GPC6: variants seen among roughly 807,000 people sequenced by gnomAD.
The protein encoded by GPC6 is glypican-6.
GPC6 carries 14 observed loss-of-function variants against 55.2 expected under a neutral mutation model. That is an observed-to-expected ratio of 0.25 (90% CI 0.17 to 0.40). The LOEUF (loss-of-function observed/expected upper bound fraction) is 0.40. GPC6 is among the 10% of genes least tolerant of loss of function. GPC6 has a pLI of 1.00. For synonymous variants in GPC6, 278 were observed against 259.6 expected (o/e 1.07, Z -0.68); for missense variants, 641 against 708.5 (o/e 0.90, Z 1.08).
chr13:93,922,157 C>T (rs927409336), intron 3 of GPC6, among the ~76,000 whole-genome samples: 1 of 151,956 alleles, frequency 6.6e-6, no homozygotes, highest in Admixed American at 6.6e-5. Flanking sequence ...AGAGTATTAA[C>T]TTTTATTTGA....
Position 94,245,936 on chromosome 13 carries a change from C to A in GPC6, c.878-40413C>A, listed in dbSNP as rs74553847. Among the ~76,000 whole-genome samples the A allele has an allele frequency of 2.8e-4, 42 of 152,238 alleles. No individual in the cohort carries two copies. The East Asian group carries it at 7.2e-3, about 26-fold the overall frequency. ...CTATTTTAATTTTCTTTAGGAACCT[C>A]CATATTGTTTCCTATAATGGCTGCA... On this transcript the variant is annotated intron_variant, in intron 4 of 8. Transcript: ENST00000377047.
At chr13:94,338,679 A>C (rs962423664) in intron 6 of GPC6, among the ~76,000 whole-genome samples, 1 of 152,164 alleles carries the variant, frequency 6.6e-6, no homozygotes, top group Non-Finnish European at 1.5e-5. Context: ...TTTAATCCAG[A>C]TAAAAATCCT....
At chr13:93,784,977 A>T (rs1395868140) in intron 2 of GPC6, among the ~76,000 whole-genome samples, 1 of 152,190 alleles carries the variant, frequency 6.6e-6, no homozygotes. Context: ...GAAAAACTTC[A>T]AAAGAAGTTG....
intron 2 of GPC6, among the ~76,000 whole-genome samples, chr13:93,667,735 G>GTTTT (rs71126408): frequency 8.1e-6 from 1 of 123,168 alleles, no homozygotes; most frequent in Non-Finnish European, 1.6e-5. Flanking sequence ...GCCAGGACTT[G>GTTTT]TTTTTTTTTT....
At chr13:93,702,504 T>C (rs1882707656) in intron 2 of GPC6, among the ~76,000 whole-genome samples, 1 of 152,044 alleles carries the variant, frequency 6.6e-6, no homozygotes, top group Non-Finnish European at 1.5e-5. Context: ...TAGCCCCTAA[T>C]GAGGGAGTCA....
intron 2 of GPC6, among the ~76,000 whole-genome samples, chr13:93,717,455 A>C: frequency 6.6e-6 from 1 of 151,588 alleles, no homozygotes; most frequent in East Asian, 1.9e-4. Context: ...CTTACTATTG[A>C]GTTTTCAAAA....
intron 1 of GPC6, among the ~76,000 whole-genome samples, chr13:93,456,273 C>T (rs902082657): frequency 2.0e-5 from 3 of 151,948 alleles, no homozygotes; most frequent in Non-Finnish European, 4.4e-5. Flanking sequence ...AAATGGCCTC[C>T]GAGAAAGTTG....
intron 2 of GPC6, among the ~76,000 whole-genome samples, chr13:93,803,140 A>G (rs1051954473): frequency 3.3e-5 from 5 of 152,168 alleles, no homozygotes; most frequent in Admixed American, 3.3e-4. Context: ...TTTAAGCCAC[A>G]GCAAAATTAT....
At chr13:93,502,596 A>C (rs896973443) in intron 1 of GPC6, among the ~76,000 whole-genome samples, 4 of 152,144 alleles carry the variant, frequency 2.6e-5, no homozygotes, top group African/African-American at 9.7e-5. Flanking sequence ...GCTGAATTGG[A>C]TAATAGTTTT....
At chr13:93,542,381 A>T (rs936404104) in intron 1 of GPC6, among the ~76,000 whole-genome samples, 3 of 152,068 alleles carry the variant, frequency 2.0e-5, no homozygotes, top group African/African-American at 4.8e-5. Flanking sequence ...CCATTGATCT[A>T]TATCTCTGTT....
At chr13:93,797,633 G>A (rs898607447) in intron 2 of GPC6, among the ~76,000 whole-genome samples, 1 of 152,122 alleles carries the variant, frequency 6.6e-6, no homozygotes, top group African/African-American at 2.4e-5. Flanking sequence ...AGGAGCTTGG[G>A]GTATATGTGA....
At chr13:94,106,358 C>A (rs980251590) in intron 4 of GPC6, among the ~76,000 whole-genome samples, 2 of 152,152 alleles carry the variant, frequency 1.3e-5, no homozygotes, top group African/African-American at 4.8e-5. Context: ...GAAAAAGTTT[C>A]TCTACATTAT....
intron 3 of GPC6, among the ~76,000 whole-genome samples, chr13:93,961,151 G>A (rs1879757611): frequency 6.6e-6 from 1 of 152,274 alleles, no homozygotes; most frequent in South Asian, 2.1e-4. Flanking sequence ...CTGGTTGGTT[G>A]TTTTGGCATC....
intron 1 of GPC6, among the ~76,000 whole-genome samples, chr13:93,423,388 A>C (rs1251271648): frequency 6.6e-6 from 1 of 152,214 alleles, no homozygotes; most frequent in Admixed American, 6.5e-5. Flanking sequence ...AATGTCCCTG[A>C]ATATTGAGTA....
intron 2 of GPC6, among the ~76,000 whole-genome samples, chr13:93,565,786 G>A (rs1169225072): frequency 6.6e-6 from 1 of 152,082 alleles, no homozygotes; most frequent in Non-Finnish European, 1.5e-5. Flanking sequence ...GCTGGGCTTA[G>A]TGGCACGTGC....
intron 3 of GPC6, among the ~76,000 whole-genome samples, chr13:93,977,523 G>A (rs77099083): frequency 0.028 from 4,141 of 145,376 alleles, 226 homozygotes; most frequent in African/African-American, 0.1. Flanking sequence ...TGTGTGGTGT[G>A]TCTTTATTTG....
intron 3 of GPC6, among the ~76,000 whole-genome samples, chr13:93,965,413 A>T (rs941093445): frequency 3.3e-5 from 5 of 151,920 alleles, no homozygotes; most frequent in African/African-American, 1.2e-4. Context: ...TCCATCTCAA[A>T]TAAATAAATA....
chr13:93,712,081 A>C (rs1447391018), intron 2 of GPC6, among the ~76,000 whole-genome samples: 2 of 151,734 alleles, frequency 1.3e-5, no homozygotes, highest in African/African-American at 4.8e-5. Context: ...CCTGTGTTCC[A>C]GGCTCTGCTT....
At chr13:93,988,410 T>C (rs1220175465) in intron 3 of GPC6, among the ~76,000 whole-genome samples, 1 of 152,182 alleles carries the variant, frequency 6.6e-6, no homozygotes, top group African/African-American at 2.4e-5. Context: ...GGATAGGACT[T>C]CTGCTATATA....
Sources: gnomAD v4.1 joint callset for allele counts (sites outside exome capture counted in the v4.1 genomes callset) on GRCh38, gnomAD v4.1.1 for gene constraint, MANE v1.5 for transcripts, NCBI Gene and HGNC (gene_info 2026-07-23, HGNC 2026-07-21) for gene names.